SPRR2G: variants seen among roughly 807,000 people sequenced by gnomAD.
The protein encoded by SPRR2G is small proline rich protein 2G.
A neutral mutation model predicts 0.7 loss-of-function variants in SPRR2G; 1 was observed. The ratio of observed to expected loss-of-function variants is 1.49; its 90% CI spans 0.53 to 7.06. SPRR2G has a LOEUF of 7.06. SPRR2G is among the 30% of genes most tolerant of loss of function. The pLI is 0.14. For missense variants in SPRR2G, 96 were observed against 88.5 expected (o/e 1.09, Z -0.34); for synonymous variants, 38 against 33.9 (o/e 1.12, Z -0.42).
chr1:153,199,390 A>G, the SPRR2G span, among the ~76,000 whole-genome samples: 20 of 152,310 alleles, frequency 1.3e-4, no homozygotes, highest in African/African-American at 4.6e-4. Flanking sequence ...TGTGGCCAAC[A>G]CCCAGCCAGC....
the SPRR2G span, among the ~76,000 whole-genome samples, chr1:153,167,557 T>C: frequency 1.3e-5 from 2 of 152,230 alleles, no homozygotes; most frequent in Non-Finnish European, 2.9e-5. Context: ...TATTTTGATA[T>C]GTTTACTGTA....
the SPRR2G span, among the ~76,000 whole-genome samples, chr1:153,160,927 C>CAGCCATAAAAAAT: frequency 6.6e-6 from 1 of 150,820 alleles, no homozygotes. Context: ...AATGATGAGT[C>CAGCCATAAAAAAT]CATGTCCTTT....
At chr1:153,196,117 A>G in the SPRR2G span, among the ~76,000 whole-genome samples, 3 of 152,236 alleles carry the variant, frequency 2.0e-5, no homozygotes, top group South Asian at 2.1e-4. Flanking sequence ...GTGTATTAAT[A>G]CAATGCAATA....
chr1:153,178,517 C>G, the SPRR2G span, among the ~76,000 whole-genome samples: 1 of 152,070 alleles, frequency 6.6e-6, no homozygotes, highest in African/African-American at 2.4e-5. Context: ...GAGTTTTATC[C>G]TCAATGCATG....
the SPRR2G span, among the ~76,000 whole-genome samples, chr1:153,195,216 G>T: frequency 6.6e-6 from 1 of 152,116 alleles, no homozygotes; most frequent in Non-Finnish European, 1.5e-5. Context: ...GCAGTACGTT[G>T]CTCCCTGCAC....
the SPRR2G span, among the ~76,000 whole-genome samples, chr1:153,188,583 A>C: frequency 6.6e-6 from 1 of 152,160 alleles, no homozygotes; most frequent in African/African-American, 2.4e-5. Context: ...TGGCAGCAAG[A>C]ATTTCAAGCC....
chr1:153,188,043 C>T, the SPRR2G span, among the ~76,000 whole-genome samples: 7 of 152,218 alleles, frequency 4.6e-5, no homozygotes, highest in Non-Finnish European at 7.3e-5. Context: ...AGCTGCAGAA[C>T]AGCAAAGATT....
At chr1:153,194,785 G>A in the SPRR2G span, among the ~76,000 whole-genome samples, 28 of 152,296 alleles carry the variant, frequency 1.8e-4, no homozygotes, top group African/African-American at 6.0e-4. Flanking sequence ...GGCAGGCATC[G>A]GCTCCTTGGT....
the SPRR2G span, among the ~76,000 whole-genome samples, chr1:153,201,432 A>C: frequency 6.6e-6 from 1 of 152,242 alleles, no homozygotes; most frequent in South Asian, 2.1e-4. Context: ...CATTTTTTAC[A>C]TTGCTGTCAC....
the SPRR2G span, among the ~76,000 whole-genome samples, chr1:153,184,820 A>T: frequency 6.6e-6 from 1 of 152,222 alleles, no homozygotes; most frequent in Admixed American, 6.5e-5. Flanking sequence ...TTGCACATTC[A>T]GTATGATACT....
At chr1:153,163,679 C>T in the SPRR2G span, among the ~76,000 whole-genome samples, 1 of 152,276 alleles carries the variant, frequency 6.6e-6, no homozygotes, top group Non-Finnish European at 1.5e-5. Context: ...CACTTTGTCC[C>T]TCTGACTGCT....
the SPRR2G span, among the ~76,000 whole-genome samples, chr1:153,172,474 T>C: frequency 6.6e-6 from 1 of 151,962 alleles, no homozygotes; most frequent in Non-Finnish European, 1.5e-5. Flanking sequence ...ATGCACCTCA[T>C]TGCACCTTTC....
the SPRR2G span, among the ~76,000 whole-genome samples, chr1:153,170,430 T>C: frequency 6.6e-6 from 1 of 152,206 alleles, no homozygotes. Flanking sequence ...TTAAATCATC[T>C]TTGTGATACA....
At chr1:153,189,771 G>C in the SPRR2G span, among the ~76,000 whole-genome samples, 6 of 152,148 alleles carry the variant, frequency 3.9e-5, no homozygotes, top group African/African-American at 1.4e-4. Flanking sequence ...AGAAGGTCCA[G>C]GGAAGTTGCC....
rs763088513 is a variant in SPRR2G at position 153,150,147 on chromosome 1, G to A, written c.-21-16C>T. 14 of 1,609,122 alleles carry A rather than the reference G, an allele frequency of 8.7e-6. No individual in the cohort carries two copies. The highest frequency in any genetic ancestry group is 2.2e-5 in the East Asian group (1 of 44,882). The stretch of plus-strand genomic sequence containing the variant: ...CTCAGAGAATCTGAAAGATACATAC[G>A]AAACAGTGCTCATAAGAGAGACAGT... On this transcript the variant is annotated splice_polypyrimidine_tract_variant and intron_variant, in intron 1 of 1. Transcript: ENST00000368748.
the SPRR2G span, among the ~76,000 whole-genome samples, chr1:153,165,271 T>G: frequency 2.0e-5 from 3 of 152,138 alleles, no homozygotes; most frequent in Non-Finnish European, 4.4e-5. Context: ...GATATTGAAC[T>G]AATACAATAA....
chr1:153,170,857 A>C, the SPRR2G span, among the ~76,000 whole-genome samples: 1 of 152,122 alleles, frequency 6.6e-6, no homozygotes, highest in Admixed American at 6.5e-5. Context: ...AGGACCCCAC[A>C]AATCCACCTA....
the SPRR2G span, among the ~76,000 whole-genome samples, chr1:153,179,534 G>A: frequency 1.3e-5 from 2 of 151,912 alleles, no homozygotes; most frequent in African/African-American, 4.8e-5. Flanking sequence ...CAATATCATC[G>A]TGTGTGTGAA....
At chr1:153,189,444 T>C in the SPRR2G span, among the ~76,000 whole-genome samples, 1 of 151,824 alleles carries the variant, frequency 6.6e-6, no homozygotes, top group Non-Finnish European at 1.5e-5. Context: ...TACTTATATT[T>C]TATAGATAAT....
Sources: gnomAD v4.1 joint callset for allele counts (sites outside exome capture counted in the v4.1 genomes callset) on GRCh38, gnomAD v4.1.1 for gene constraint, MANE v1.5 for transcripts, NCBI Gene and HGNC (gene_info 2026-07-23, HGNC 2026-07-21) for gene names.